Variants in EIF3L observed in about 807,000 individuals in gnomAD.
The protein encoded by EIF3L is eIEF associated protein HSPC021.
EIF3L carries 32 observed loss-of-function variants against 74.6 expected under a neutral mutation model. The ratio of observed to expected loss-of-function variants is 0.43; its 90% CI spans 0.32 to 0.58. The LOEUF is 0.58. EIF3L is among the 20% of genes least tolerant of loss of function. The probability of loss-of-function intolerance (pLI) is 0.06; values close to 1 mark genes in which losing one functional copy is unlikely to be tolerated. For missense variants in EIF3L, 474 were observed against 707.8 expected, an observed-to-expected ratio of 0.67 and a Z score of 3.75; for synonymous variants, 256 against 254.4, an observed-to-expected ratio of 1.01 and a Z score of -0.06.
intron 7 of EIF3L, 86 bp from the exon 8 acceptor site, chr22:37,870,090 A>C: frequency 8.0e-6 from 10 of 1,253,834 alleles, no homozygotes; most frequent in Non-Finnish European, 9.9e-6. Flanking sequence ...CCAGAGCCAG[A>C]GCATTGCCTC....
At position 37,874,359 on chromosome 22, in the gene EIF3L, G is replaced by T. The variant is rs1438486907; in HGVS notation, c.752-11G>T. Reference sequence around the variant, plus strand: ...CCTCCTATCAGTATTCACGGTGTCTGTCTCTTTCAGGTGACCCTGAGAGTG... The same window carrying T: ...CCTCCTATCAGTATTCACGGTGTCTTTCTCTTTCAGGTGACCCTGAGAGTG... On this transcript the variant is annotated splice_polypyrimidine_tract_variant and intron_variant, in intron 8 of 12. Transcript: ENST00000652021. 6.2e-7 allele frequency: 1 copy of T among 1,613,016 alleles called. No individual in the cohort carries two copies. The highest frequency in any genetic ancestry group is 2.2e-5 in the East Asian group (1 of 44,850).
intron 7 of EIF3L, among the ~76,000 whole-genome samples, chr22:37,866,820 A>T (rs1413493046): frequency 1.3e-5 from 2 of 152,164 alleles, no homozygotes; most frequent in Non-Finnish European, 2.9e-5. Flanking sequence ...GGTGTGAACC[A>T]CCATGCCCAG....
At position 37,877,912 on chromosome 22, in the gene EIF3L, C is replaced by A; in HGVS notation, c.1316C>A (p.Pro439His). Residue 439 changes from proline (P) to histidine (H), a missense_variant, in exon 11 of 13, where the codon CCC becomes CAC. Physicochemically the swap from Pro to His is moderately conservative, Grantham distance 77 (BLOSUM62 -2). Coordinates refer to ENST00000652021, the MANE Select transcript of EIF3L (RefSeq NM_016091.4). Reference sequence around the variant, plus strand: ...GTGCACCCCAACTACCACAAAGAGCCCTTCCTGCAGCAGCTGAAGGTGTTT... The same window carrying A: ...GTGCACCCCAACTACCACAAAGAGCACTTCCTGCAGCAGCTGAAGGTGTTT... Reference protein sequence around the residue: ...DNVHPNYHKEPFLQQLKVFSD... With the variant: ...DNVHPNYHKEHFLQQLKVFSD... 1 of 1,612,850 alleles carries A rather than the reference C, an allele frequency of 6.2e-7. No homozygotes were observed. The highest frequency in any genetic ancestry group is 8.5e-7 in the Non-Finnish European group (1 of 1,179,854).
chr22:37,852,892 A>C (rs1437491566), intron 3 of EIF3L, among the ~76,000 whole-genome samples: 1 of 152,140 alleles, frequency 6.6e-6, no homozygotes, highest in South Asian at 2.1e-4. Flanking sequence ...TCGGAGGTTG[A>C]ACACCTCCAG....
chr22:37,881,959 G>C (rs567162721), intron 11 of EIF3L: 2 of 152,138 alleles, frequency 1.3e-5, no homozygotes, highest in Non-Finnish European at 2.9e-5. Context: ...TTGAGCCCAG[G>C]AGTTCAAGAC....
At chr22:37,852,382 A>G (rs1021315502) in intron 3 of EIF3L, among the ~76,000 whole-genome samples, 1 of 152,220 alleles carries the variant, frequency 6.6e-6, no homozygotes, top group South Asian at 2.1e-4. Context: ...ACCAAAGCCT[A>G]ATTTCTAAAC....
At chr22:37,867,149 C>A (rs1052372259) in intron 7 of EIF3L, among the ~76,000 whole-genome samples, 1 of 152,194 alleles carries the variant, frequency 6.6e-6, no homozygotes, top group Middle Eastern at 3.4e-3. Context: ...GCAATCCCCC[C>A]ACCTTAGCCT....
intron 7 of EIF3L, 106 bp downstream of exon 7, chr22:37,863,451 G>A: frequency 1.0e-6 from 1 of 953,684 alleles, no homozygotes; most frequent in East Asian, 2.5e-5. Flanking sequence ...TATCCCCATT[G>A]TAGTGTAAAA....
chr22:37,873,620 A>C (rs1052522630), intron 8 of EIF3L, among the ~76,000 whole-genome samples: 1 of 152,218 alleles, frequency 6.6e-6, no homozygotes, highest in African/African-American at 2.4e-5. Flanking sequence ...TTTCAAGTAA[A>C]AATGAAAAAA....
rs563963129 is a variant in EIF3L at position 37,871,636 on chromosome 22, G to A, written c.751+1289G>A. Among the ~76,000 whole-genome samples the A allele has an allele frequency of 4.6e-5, 7 of 152,270 alleles. 1 individual carries two copies. The South Asian group carries it at 1.5e-3, about 32-fold the overall frequency. ...TTATCCTGGCATTTTGGGAGGCTGA[G>A]GCGGGCAGATCACCTGAGGTCAGGA... On this transcript the variant is annotated intron_variant, in intron 8 of 12. Transcript: ENST00000652021.
At chr22:37,867,777 ACC>A (rs1160427200) in intron 7 of EIF3L, among the ~76,000 whole-genome samples, 1 of 151,480 alleles carries the variant, frequency 6.6e-6, no homozygotes, top group African/African-American at 2.4e-5. Flanking sequence ...ACACGGTGAA[ACC>A]CCGTCTCTAC....
intron 2 of EIF3L, chr22:37,850,395 G>A (rs563152668): frequency 1.6e-5 from 4 of 256,566 alleles, no homozygotes; most frequent in African/African-American, 6.8e-5. Flanking sequence ...GTGCAGTGGT[G>A]CGATCTCGGC....
chr22:37,875,355 G>A (rs1414936999), intron 9 of EIF3L, among the ~76,000 whole-genome samples: 3 of 151,744 alleles, frequency 2.0e-5, no homozygotes, highest in African/African-American at 7.3e-5. Context: ...TCCAGCCTGG[G>A]CAACAGAACA....
rs755228467 is a variant in EIF3L at position 37,886,964 on chromosome 22, T to C, written c.1656+119T>C. The C allele has an allele frequency of 4.0e-6, 3 of 748,926 alleles. No individual in the cohort carries two copies. The South Asian group carries it at 4.7e-5, about 12-fold the overall frequency. The allele number at this position is 748,926 out of a possible 1,614,324, so 46.4% of individuals were successfully genotyped here. ...TTTATTTTGAGATGGAGTCTTGTGC[T>C]GTCACCCATGCTGGAGTGCAGCGAC... On this transcript the variant is annotated intron_variant, in intron 12 of 12. Coordinates refer to ENST00000652021, the MANE Select transcript of EIF3L (RefSeq NM_016091.4).
At chr22:37,860,933 T>C (rs536903328) in intron 5 of EIF3L, among the ~76,000 whole-genome samples, 1 of 152,294 alleles carries the variant, frequency 6.6e-6, no homozygotes, top group South Asian at 2.1e-4. Flanking sequence ...CTCACTCATT[T>C]CCTGAAACTT....
intron 3 of EIF3L, among the ~76,000 whole-genome samples, chr22:37,853,438 C>T (rs931101701): frequency 4.6e-5 from 7 of 152,278 alleles, no homozygotes; most frequent in Middle Eastern, 3.4e-3. Flanking sequence ...TCTTTATTCC[C>T]CGGGTCTTTT....
At chr22:37,876,101 A>G in intron 10 of EIF3L, 90 bp downstream of exon 10, 1 of 1,402,102 alleles carries the variant, frequency 7.1e-7, no homozygotes, top group Non-Finnish European at 9.8e-7. Flanking sequence ...ACACCATCCA[A>G]AATATTGCAC....
At chr22:37,870,103 T>C in intron 7 of EIF3L, 73 bp from the exon 8 acceptor site, 1 of 1,394,716 alleles carries the variant, frequency 7.2e-7, no homozygotes, top group Non-Finnish European at 9.7e-7. Flanking sequence ...ATTGCCTCGT[T>C]TTCAGCATTG....
chr22:37,855,353 C>A (rs1925444571), intron 3 of EIF3L, among the ~76,000 whole-genome samples: 1 of 152,044 alleles, frequency 6.6e-6, no homozygotes, highest in African/African-American at 2.4e-5. Context: ...TTGATGGGTC[C>A]CTAACTGATA....
Sources: allele counts gnomAD v4.1 joint callset (sites outside exome capture counted in the v4.1 genomes callset), GRCh38; gene constraint gnomAD v4.1.1; transcripts MANE v1.5; gene names NCBI Gene and HGNC (gene_info 2026-07-23, HGNC 2026-07-21).